VAV3: variants seen among roughly 807,000 people sequenced by gnomAD.
VAV3 encodes the protein vav guanine nucleotide exchange factor 3.
VAV3 carries 94 observed loss-of-function variants against 131.2 expected under a neutral mutation model. That is an observed-to-expected ratio of 0.72 (90% CI 0.61 to 0.85). The LOEUF (loss-of-function observed/expected upper bound fraction) is 0.85, where lower values mean the gene tolerates loss of function less well. Ranked by LOEUF, VAV3 falls within the 40% of genes least tolerant of loss-of-function variation. The pLI is 0.00. For synonymous variants in VAV3, 349 were observed against 342.0 expected (o/e 1.02, Z -0.22); for missense variants, 939 against 1,002.7 (o/e 0.94, Z 0.86).
intron 17 of VAV3, among the ~76,000 whole-genome samples, chr1:107,701,817 C>T (rs1003767900): frequency 1.8e-4 from 28 of 152,132 alleles, no homozygotes; most frequent in African/African-American, 6.0e-4. Flanking sequence ...CAACAAGTTC[C>T]TCATCTCCAT....
At chr1:107,602,989 G>A in intron 23 of VAV3, 58 bp downstream of exon 23, 4 of 1,386,732 alleles carry the variant, frequency 2.9e-6, no homozygotes, top group Non-Finnish European at 4.1e-6. Context: ...ATGTCAGATG[G>A]TCTATGCAAT....
chr1:107,759,553 GA>G (rs1296819777), intron 10 of VAV3, among the ~76,000 whole-genome samples: 2 of 151,944 alleles, frequency 1.3e-5, no homozygotes, highest in Non-Finnish European at 2.9e-5. Flanking sequence ...TTTTGAGAGG[GA>G]AAAACATTTC....
chr1:107,649,969 T>G (rs1270914079), intron 19 of VAV3, among the ~76,000 whole-genome samples: 1 of 151,996 alleles, frequency 6.6e-6, no homozygotes, highest in African/African-American at 2.4e-5. Context: ...GATTCTGGAT[T>G]AGAGAGTGAC....
chr1:107,837,102 C>CA (rs35814699), intron 2 of VAV3, among the ~76,000 whole-genome samples: 12,462 of 146,614 alleles, frequency 0.085, 706 homozygotes, highest in East Asian at 0.24. Flanking sequence ...AAACAATGGG[C>CA]AAAAAAAAAC....
chr1:107,955,417 GGTATGACTCCCTGTGTCC>G (rs1286184959), intron 1 of VAV3, among the ~76,000 whole-genome samples: 1 of 151,754 alleles, frequency 6.6e-6, no homozygotes, highest in African/African-American at 2.4e-5. Flanking sequence ...ATGCCTATTA[GGTATGACTCCCTGTGTCC>G]ATTTCTAGTG....
At chr1:107,588,159 A>G (rs151142715) in intron 25 of VAV3, among the ~76,000 whole-genome samples, 2,042 of 152,304 alleles carry the variant, frequency 0.013, 19 homozygotes, top group Middle Eastern at 0.031. Flanking sequence ...AAAGATCCTG[A>G]AGTAACTAAA....
rs1553235441 is a variant in VAV3, at chr1:107,952,468, T to TTTATATATA, written c.204+12197_204+12198insTATATATAA. ...TGTGCCCCGAACTTATAACAAAACT[T>TTTATATATA]TATATATATATATATATACACACAT... is the stretch of plus-strand genomic sequence containing the variant. On this transcript the variant is annotated intron_variant, in intron 1 of 26. Coordinates refer to ENST00000370056, the MANE Select transcript of VAV3 (RefSeq NM_006113.5). Among the ~76,000 whole-genome samples, 67 of 118,934 alleles carry TTTATATATA rather than the reference T, an allele frequency of 5.6e-4. 1 individual carries two copies. The highest frequency in any genetic ancestry group is 1.4e-3 in the East Asian group (5 of 3,570). The allele number at this position is 118,934 out of a possible 152,430, so 78.0% of individuals were successfully genotyped here.
At chr1:107,617,453 A>G (rs1235661556) in intron 21 of VAV3, 114 bp downstream of exon 21, 1 of 769,536 alleles carries the variant, frequency 1.3e-6, no homozygotes, top group Non-Finnish European at 2.0e-6. Flanking sequence ...CTTCCAGAAA[A>G]TATTAATAAA....
chr1:107,888,379 T>C (rs909811268), intron 1 of VAV3, among the ~76,000 whole-genome samples: 1 of 152,176 alleles, frequency 6.6e-6, no homozygotes, highest in Non-Finnish European at 1.5e-5. Context: ...CCCTCTTCCT[T>C]TCCCCAACTA....
intron 1 of VAV3, among the ~76,000 whole-genome samples, chr1:107,960,928 T>C (rs1675052740): frequency 6.6e-6 from 1 of 151,142 alleles, no homozygotes; most frequent in Non-Finnish European, 1.5e-5. Flanking sequence ...TAAATAATTA[T>C]ATACAATAAA....
chr1:107,960,076 G>A (rs1024440849), intron 1 of VAV3, among the ~76,000 whole-genome samples: 1 of 152,132 alleles, frequency 6.6e-6, no homozygotes, highest in Non-Finnish European at 1.5e-5. Flanking sequence ...GGTAAAAGCC[G>A]CCATCATCTC....
chr1:107,749,609 T>C lies in VAV3; in HGVS notation c.1260-15A>G. 1.2e-6 allele frequency: 2 copies of C among 1,605,222 alleles called. No homozygotes were observed. The highest frequency in any genetic ancestry group is 1.7e-6 in the Non-Finnish European group (2 of 1,177,572). On this transcript the variant is annotated splice_polypyrimidine_tract_variant and intron_variant, in intron 13 of 26. Coordinates refer to ENST00000370056, the MANE Select transcript of VAV3 (RefSeq NM_006113.5). ...AGAAGATATGCCTGGGAAAAAGAGA[T>C]TGATTGATTGATTTTAAATGGTTTA...
intron 2 of VAV3, among the ~76,000 whole-genome samples, chr1:107,849,425 C>T (rs1203347700): frequency 2.0e-5 from 3 of 151,946 alleles, no homozygotes; most frequent in African/African-American, 7.3e-5. Context: ...AATAACACCA[C>T]ACATCTACAG....
chr1:107,915,558 T>C (rs1672574030), intron 1 of VAV3, among the ~76,000 whole-genome samples: 1 of 152,180 alleles, frequency 6.6e-6, no homozygotes, highest in Non-Finnish European at 1.5e-5. Context: ...AGGGAAACAA[T>C]ACCTCTTCAC....
In VAV3 at chr1:107,772,807, G is replaced by A; in HGVS notation, c.483C>T (p.Asp161=). 1.9e-6 allele frequency: 3 copies of A among 1,613,662 alleles called. No individual in the cohort carries two copies. The highest frequency in any genetic ancestry group is 2.5e-6 in the Non-Finnish European group (3 of 1,179,854). ...TLVEDEEDLY[D]CVYGEDEGGE... ...CACCTTCATCTTCCCCATAAACACA[G>A]TCATAGAGATCTTCTTCATCTTCCA... Residue 161 remains aspartate, a synonymous_variant, in exon 5 of 27, where the codon GAC becomes GAT. Transcript: ENST00000370056.
At chr1:107,826,396 C>G (rs748001998) in intron 2 of VAV3, among the ~76,000 whole-genome samples, 1 of 152,070 alleles carries the variant, frequency 6.6e-6, no homozygotes, top group Non-Finnish European at 1.5e-5. Context: ...GCTTACTAGC[C>G]TTAGGGAGTC....
At chr1:107,798,312 G>A (rs980752294) in intron 2 of VAV3, among the ~76,000 whole-genome samples, 2 of 152,100 alleles carry the variant, frequency 1.3e-5, no homozygotes, top group African/African-American at 4.8e-5. Flanking sequence ...AAAAATAGGA[G>A]GGGTGTTCTC....
rs780596577 is a variant in VAV3 at position 107,770,723 on chromosome 1, A to G, written c.561T>C (p.Cys187=). Residue 187 remains cysteine, a synonymous_variant, in exon 6 of 27, where the codon TGT becomes TGC. Transcript: ENST00000370056. ...MKAEEAHQPK[C]PENDIRSCCL... Reference sequence around the variant, plus strand: ...AACAACTTCGTATATCATTTTCTGGACATTTCTGCAGTTAGAATTATCAAA... The same window carrying G: ...AACAACTTCGTATATCATTTTCTGGGCATTTCTGCAGTTAGAATTATCAAA... 1 of 1,609,242 alleles carries G rather than the reference A, an allele frequency of 6.2e-7. No individual in the cohort carries two copies.
At chr1:107,686,245 G>A (rs1659021228) in intron 18 of VAV3, among the ~76,000 whole-genome samples, 1 of 152,064 alleles carries the variant, frequency 6.6e-6, no homozygotes, top group Non-Finnish European at 1.5e-5. Flanking sequence ...GTACAGCCCA[G>A]GTATGGTTAT....
Sources: gnomAD v4.1 joint callset for allele counts (sites outside exome capture counted in the v4.1 genomes callset) on GRCh38, gnomAD v4.1.1 for gene constraint, MANE v1.5 for transcripts, NCBI Gene and HGNC (gene_info 2026-07-23, HGNC 2026-07-21) for gene names.